Variants in BET1L observed in about 807,000 individuals in gnomAD.
BET1L encodes BET1-like protein.
A neutral mutation model predicts 12.6 loss-of-function variants in BET1L; 13 were observed. That is an observed-to-expected ratio of 1.03 (90% CI 0.67 to 1.64). The LOEUF (loss-of-function observed/expected upper bound fraction) is 1.64, where lower values mean the gene tolerates loss of function less well. BET1L is among the 40% of genes most tolerant of loss of function. BET1L has a pLI of 0.00. For synonymous variants in BET1L, 60 were observed against 56.9 expected (o/e 1.05, Z -0.25); for missense variants, 154 against 150.7 (o/e 1.02, Z -0.11).
At position 205,679 on chromosome 11, in the gene BET1L, A is replaced by G; in HGVS notation, c.112-12T>C. 1 of 1,602,780 alleles carries G rather than the reference A, an allele frequency of 6.2e-7. No homozygotes were observed. The highest frequency in any genetic ancestry group is 1.1e-5 in the South Asian group (1 of 90,958). ...ATGTCCAGGGCGAGCTGTTCAGCAG[A>G]CAGAGAGGGCAGGGTTGGGCCAGAG... is the stretch of plus-strand genomic sequence containing the variant. On this transcript the variant is annotated splice_polypyrimidine_tract_variant and intron_variant, in intron 2 of 3. Transcript: ENST00000382762.
In BET1L at chr11:204,197, G is replaced by A. The variant is rs1467810963; in HGVS notation, c.*1105C>T. 1 of 152,398 alleles carries A rather than the reference G, an allele frequency of 6.6e-6. No individual in the cohort carries two copies. Among genetic ancestry groups the A allele is most frequent in the African/African-American group, 2.4e-5 (1 of 41,454 alleles). The allele number at this position is 152,398 out of a possible 1,614,324, so 9.4% of individuals were successfully genotyped here. ...TGCTTTAAAGGTGTTTTTATGCCAA[G>A]ACAAGGGGGCGAGGACCTCATCTTG... On this transcript the variant is annotated 3_prime_UTR_variant, in exon 4 of 4. Coordinates refer to ENST00000382762, the MANE Select transcript of BET1L (RefSeq NM_001098787.2).
At chr11:205,903 C>T in intron 2 of BET1L, 49 bp downstream of exon 2, 1 of 1,589,272 alleles carries the variant, frequency 6.3e-7, no homozygotes, top group East Asian at 2.2e-5. Context: ...CTCTGATCCC[C>T]ATTCCCCAAA....
In BET1L at chr11:206,003, C is replaced by T. The variant is rs777486958; in HGVS notation, c.60G>A (p.Glu20=). ...CCAGGCTGTCAGCCATTCGCTTGTT[C>T]TCCCGGTCTAGAATCTCTTCCACAG... ...PGAVEEILDR[E]NKRMADSLAS... is the part of the protein sequence containing the mutation. Residue 20 remains glutamate, a synonymous_variant, in exon 2 of 4, where the codon GAG becomes GAA. Transcript: ENST00000382762. 6.2e-7 allele frequency: 1 copy of T among 1,613,990 alleles called. No homozygotes were observed. The highest frequency in any genetic ancestry group is 1.7e-5 in the Admixed American group (1 of 60,006).
Position 207,287 on chromosome 11 carries a change from G to GCT in BET1L, c.19+14_19+15dup, listed in dbSNP as rs757127079. The stretch of plus-strand genomic sequence containing the variant: ...GCCCGGCCCTGCCCCCAACGGCTCC[G>GCT]CTCTCCCGCGCTCACCCCGAGCCCA... On this transcript the variant is annotated intron_variant, in intron 1 of 3. Coordinates refer to ENST00000382762, the MANE Select transcript of BET1L (RefSeq NM_001098787.2). 6.5e-7 allele frequency: 1 copy of GCT among 1,534,414 alleles called. No individual in the cohort carries two copies. The highest frequency in any genetic ancestry group is 1.2e-5 in the South Asian group (1 of 83,612).
Position 203,159 on chromosome 11 carries a change from G to C in BET1L, c.*2143C>G, listed in dbSNP as rs1183251142. The C allele has an allele frequency of 1.3e-5, 2 of 152,280 alleles. No individual in the cohort carries two copies. Among genetic ancestry groups the C allele is most frequent in the Non-Finnish European group, 2.9e-5 (2 of 68,068 alleles). The allele number at this position is 152,280 out of a possible 1,614,324, so 9.4% of individuals were successfully genotyped here. The stretch of plus-strand genomic sequence containing the variant: ...GGCTGAGCTGGAGGGTTAGGGTCAG[G>C]GCCCCTCAGGAAACTCTGGTCTGGC... On this transcript the variant is annotated 3_prime_UTR_variant, in exon 4 of 4. Coordinates refer to ENST00000382762, the MANE Select transcript of BET1L (RefSeq NM_001098787.2).
At chr11:206,570 G>A (rs1855163905) in intron 1 of BET1L, among the ~76,000 whole-genome samples, 1 of 152,200 alleles carries the variant, frequency 6.6e-6, no homozygotes, top group Admixed American at 6.5e-5. Flanking sequence ...GAAAATGGCT[G>A]AGCAAAGTTC....
chr11:205,747 C>A, intron 2 of BET1L, 80 bp from the exon 3 acceptor site: 1 of 1,526,660 alleles, frequency 6.6e-7, no homozygotes, highest in Non-Finnish European at 8.8e-7. Flanking sequence ...ACCAGATAAA[C>A]CCTGCCAACA....
At position 205,378 on chromosome 11, in the gene BET1L, A is replaced by G. The variant is rs1216821464; in HGVS notation, c.260T>C (p.Leu87Pro). Residue 87 changes from leucine to proline, a missense_variant, in exon 4 of 4, where the codon CTT (leucine) becomes CCT (proline). Leu to Pro is a moderately conservative substitution (Grantham distance 98, BLOSUM62 -3). Coordinates refer to ENST00000382762, the MANE Select transcript of BET1L (RefSeq NM_001098787.2). ...TAGACCCACGGCCATGCCACATAGA[A>G]GCTTCCGGTTGTCTTGTCCGGACCT... ...MARSGQDNRK[L>P]LCGMAVGLIV... The G allele has an allele frequency of 6.2e-7, 1 of 1,614,052 alleles. No individual in the cohort carries two copies. The highest frequency in any genetic ancestry group is 8.5e-7 in the Non-Finnish European group (1 of 1,180,032).
In BET1L at chr11:205,978, C is replaced by T; in HGVS notation, c.85G>A (p.Ala29Thr). ...RENKRMADSL[A>T]SKVTRLKSLA... ...GATTTGAGCCTGGTGACTTTGGAGG[C>T]CAGGCTGTCAGCCATTCGCTTGTTC... Residue 29 changes from alanine (A) to threonine (T), a missense_variant, in exon 2 of 4, where the codon GCC becomes ACC. Ala to Thr is a moderately conservative substitution (Grantham distance 58). Transcript: ENST00000382762. 6.2e-7 allele frequency: 1 copy of T among 1,614,106 alleles called. No individual in the cohort carries two copies. The highest frequency in any genetic ancestry group is 8.5e-7 in the Non-Finnish European group (1 of 1,180,032).
rs369900977 is a variant in BET1L, at chr11:205,380, C to T, written c.258G>A (p.Lys86=). Residue 86 remains lysine, a synonymous_variant, in exon 4 of 4, where the codon AAG becomes AAA. Coordinates refer to ENST00000382762, the MANE Select transcript of BET1L (RefSeq NM_001098787.2). ...GACCCACGGCCATGCCACATAGAAG[C>T]TTCCGGTTGTCTTGTCCGGACCTTG... ...TMARSGQDNR[K]LLCGMAVGLI... is the part of the protein sequence containing the mutation. 1 of 1,614,070 alleles carries T rather than the reference C, an allele frequency of 6.2e-7. No homozygotes were observed. Among genetic ancestry groups the T allele is most frequent in the African/African-American group, 1.3e-5 (1 of 74,926 alleles).
Position 205,772 on chromosome 11 carries a change from A to G in BET1L, c.112-105T>C, listed in dbSNP as rs948032350. 8.0e-6 allele frequency: 12 copies of G among 1,505,798 alleles called. No homozygotes were observed. The African/African-American group carries it at 1.5e-4, about 19-fold the overall frequency. 93.3% of individuals were successfully genotyped at this position (1,505,798 alleles called of 1,614,324 possible). On this transcript the variant is annotated intron_variant, in intron 2 of 3. Transcript: ENST00000382762. ...CCCTGCCAACAACTCTGCCAGACAC[A>G]GTGGGGCTGCAGCAGACAGAAAGGT...
chr11:207,075 C>CCT, intron 1 of BET1L: 1 of 543,496 alleles, frequency 1.8e-6, no homozygotes, highest in Admixed American at 4.0e-5. Context: ...CTGCGCGACC[C>CCT]CTCGCTGGAG....
At position 203,229 on chromosome 11, in the gene BET1L, TAATAC is replaced by T. The variant is rs1322516158; in HGVS notation, c.*2068_*2072del. On this transcript the variant is annotated 3_prime_UTR_variant, in exon 4 of 4. Coordinates refer to ENST00000382762, the MANE Select transcript of BET1L (RefSeq NM_001098787.2). Reference sequence around the variant, plus strand: ...CACTCTCCCTTTGTGGAATCCTTCTTAATACAAGAGTGAGAAGCAGAAGAGCAAAC... The same window carrying T: ...CACTCTCCCTTTGTGGAATCCTTCTTAAGAGTGAGAAGCAGAAGAGCAAAC... The T allele has an allele frequency of 2.0e-5, 3 of 152,150 alleles. No individual in the cohort carries two copies. The highest frequency in any genetic ancestry group is 2.9e-5 in the Non-Finnish European group (2 of 68,040). 9.4% of individuals were successfully genotyped at this position (152,150 alleles called of 1,614,324 possible).
Position 205,947 on chromosome 11 carries a change from C to G in BET1L, c.111+5G>C. ...GTGGAGGTAAGAGGACAGACCACCA[C>G]TGACCGATTTGAGCCTGGTGACTTT... is the stretch of plus-strand genomic sequence containing the variant. On this transcript the variant is annotated splice_donor_5th_base_variant and intron_variant, in intron 2 of 3. Coordinates refer to ENST00000382762, the MANE Select transcript of BET1L (RefSeq NM_001098787.2). 1 of 1,613,884 alleles carries G rather than the reference C, an allele frequency of 6.2e-7. No individual in the cohort carries two copies. Among genetic ancestry groups the G allele is most frequent in the Non-Finnish European group, 8.5e-7 (1 of 1,179,856 alleles).
In BET1L at chr11:204,481, G is replaced by C. The variant is rs115356590; in HGVS notation, c.*821C>G. On this transcript the variant is annotated 3_prime_UTR_variant, in exon 4 of 4. Transcript: ENST00000382762. ...TTGTGTAGACCCACAGAAGCTCCCT[G>C]GCCCTGCCTGCTTTGCCTGACTCTG... The C allele has an allele frequency of 1.3e-5, 2 of 152,234 alleles. No individual in the cohort carries two copies. Among genetic ancestry groups the C allele is most frequent in the Admixed American group, 6.5e-5 (1 of 15,286 alleles). The allele number at this position is 152,234 out of a possible 1,614,324, so 9.4% of individuals were successfully genotyped here. A position where few individuals can be genotyped will look rare whatever the true frequency, so the allele number is the denominator to read the frequency against.
In BET1L at chr11:203,375, T is replaced by G. The variant is rs994579637; in HGVS notation, c.*1927A>C. On this transcript the variant is annotated 3_prime_UTR_variant, in exon 4 of 4. Transcript: ENST00000382762. ...TGAGTCTGAGAGACAGCAAAGCACC[T>G]CTCCAGCGAAAGCCACTCCGAGATG... The G allele has an allele frequency of 6.6e-6, 1 of 152,004 alleles. No individual in the cohort carries two copies. The highest frequency in any genetic ancestry group is 2.4e-5 in the African/African-American group (1 of 41,328). The allele number at this position is 152,004 out of a possible 1,614,324, so 9.4% of individuals were successfully genotyped here.
intron 2 of BET1L, 100 bp from the exon 3 acceptor site, chr11:205,767 GAC>G: frequency 2.0e-6 from 3 of 1,510,590 alleles, no homozygotes; most frequent in Middle Eastern, 3.5e-4. Context: ...AACTCTGCCA[GAC>G]ACAGTGGGGC....
intron 1 of BET1L, 42 bp downstream of exon 1, chr11:207,261 G>A (rs1168811992): frequency 1.3e-6 from 2 of 1,520,102 alleles, no homozygotes; most frequent in East Asian, 5.2e-5. Context: ...CGTCGGTTTC[G>A]GCCCGGCCCT....
At position 205,595 on chromosome 11, in the gene BET1L, C is replaced by T. The variant is rs148471498; in HGVS notation, c.168+16G>A. ...CTAGGGCAGGGCACTGATACACGCA[C>T]ACCGTGGGCCCTTACCATGCCATCC... On this transcript the variant is annotated intron_variant, in intron 3 of 3. Coordinates refer to ENST00000382762, the MANE Select transcript of BET1L (RefSeq NM_001098787.2). 7.1e-5 allele frequency: 114 copies of T among 1,613,904 alleles called. No individual in the cohort carries two copies. Among genetic ancestry groups the T allele is most frequent in the Non-Finnish European group, 8.8e-5 (104 of 1,180,028 alleles).
Sources: allele counts gnomAD v4.1 joint callset (sites outside exome capture counted in the v4.1 genomes callset), GRCh38; gene constraint gnomAD v4.1.1; transcripts MANE v1.5; gene names NCBI Gene and HGNC (gene_info 2026-07-23, HGNC 2026-07-21).